The following STK33 variants were observed in gnomAD, a reference collection of about 807,000 sequenced individuals.
The protein encoded by STK33 is serine/threonine kinase 33.
A neutral mutation model predicts 58.0 loss-of-function variants in STK33; 52 were observed. The observed-to-expected ratio is 0.90, with a 90% CI of 0.72 to 1.13. STK33 has a LOEUF of 1.13. Among genes scored for constraint, STK33 ranks in the 50% most tolerant of loss-of-function variants. The pLI, the probability that STK33 is intolerant of heterozygous loss-of-function variation, is 0.00. For missense variants in STK33, 630 were observed against 604.2 expected, an observed-to-expected ratio of 1.04 and a Z score of -0.45; for synonymous variants, 215 against 200.1, an observed-to-expected ratio of 1.07 and a Z score of -0.63.
At chr11:8,425,837 T>TG (rs59964286) in intron 14 of STK33, among the ~76,000 whole-genome samples, 4,946 of 152,126 alleles carry the variant, frequency 0.033, 110 homozygotes, top group East Asian at 0.08. Flanking sequence ...GGGCATGCAG[T>TG]GGGGGGTGTG....
intron 1 of STK33, among the ~76,000 whole-genome samples, chr11:8,515,106 A>C (rs1952656853): frequency 6.6e-6 from 1 of 152,186 alleles, no homozygotes; most frequent in South Asian, 2.1e-4. Flanking sequence ...GATTAAATCA[A>C]GGAGAAAATA....
the STK33 span, among the ~76,000 whole-genome samples, chr11:8,382,001 G>A: frequency 6.6e-6 from 1 of 152,024 alleles, no homozygotes; most frequent in Non-Finnish European, 1.5e-5. Flanking sequence ...ATATCCCTCT[G>A]TAACCACAGT....
intron 1 of STK33, among the ~76,000 whole-genome samples, chr11:8,582,232 CAG>C (rs2030474349): frequency 1.3e-5 from 2 of 152,256 alleles, no homozygotes; most frequent in South Asian, 4.1e-4. Flanking sequence ...TTATGATACT[CAG>C]AGATCTCTAC....
In STK33 at chr11:8,413,656, A is replaced by G. The variant is rs1208880075; in HGVS notation, c.1183T>C (p.Leu395=). ...KLSSVRPTNV[L]EMMKEWKNNP... ...TTTTTCCATTCCTTCATCATCTCTA[A>G]TACATTGGTTGGTCTCACCGAAGAA... Residue 395 remains leucine, a synonymous_variant, in exon 15 of 16, where the codon TTA becomes CTA. Coordinates refer to ENST00000687296, the MANE Select transcript of STK33 (RefSeq NM_001352389.2). 6.2e-7 allele frequency: 1 copy of G among 1,613,846 alleles called. No homozygotes were observed. The highest frequency in any genetic ancestry group is 8.5e-7 in the Non-Finnish European group (1 of 1,179,908).
intron 15 of STK33, among the ~76,000 whole-genome samples, chr11:8,396,134 G>A (rs1161998357): frequency 6.6e-6 from 1 of 151,994 alleles, no homozygotes; most frequent in Non-Finnish European, 1.5e-5. Context: ...GTGGAGTTTT[G>A]CTCTTATCGC....
chr11:8,542,448 G>A (rs11041972), intron 1 of STK33, among the ~76,000 whole-genome samples: 13,827 of 152,130 alleles, frequency 0.091, 1,429 homozygotes, highest in African/African-American at 0.26. Context: ...TTTGCCTCCC[G>A]GGGGATGGCT....
At chr11:8,553,251 G>C (rs1170602157) in intron 1 of STK33, among the ~76,000 whole-genome samples, 1 of 112,608 alleles carries the variant, frequency 8.9e-6, no homozygotes, top group Non-Finnish European at 1.8e-5. Context: ...TGATATATAT[G>C]ATATATATAT....
intron 1 of STK33, among the ~76,000 whole-genome samples, chr11:8,509,512 T>A (rs781733808): frequency 2.4e-4 from 36 of 152,304 alleles, no homozygotes; most frequent in Non-Finnish European, 4.6e-4. Flanking sequence ...TACAAAATAG[T>A]ACATTTTTTA....
At chr11:8,376,873 T>C in the STK33 span, among the ~76,000 whole-genome samples, 2 of 152,142 alleles carry the variant, frequency 1.3e-5, no homozygotes, top group African/African-American at 4.8e-5. Flanking sequence ...GATCACATCT[T>C]CCAGCTGCCA....
intron 7 of STK33, among the ~76,000 whole-genome samples, chr11:8,464,403 T>C (rs1223596958): frequency 6.6e-6 from 1 of 152,202 alleles, no homozygotes; most frequent in Non-Finnish European, 1.5e-5. Flanking sequence ...CCCACAGCCC[T>C]ATGCCTACAG....
chr11:8,448,582 G>T (rs915926442), intron 11 of STK33, among the ~76,000 whole-genome samples: 10 of 152,182 alleles, frequency 6.6e-5, no homozygotes, highest in Non-Finnish European at 1.3e-4. Flanking sequence ...CTAGCCATAT[G>T]TAGAAAGCTG....
intron 1 of STK33, among the ~76,000 whole-genome samples, chr11:8,522,687 GC>G (rs1256060449): frequency 4.6e-5 from 7 of 152,122 alleles, no homozygotes; most frequent in African/African-American, 1.7e-4. Flanking sequence ...CTAAAAATCT[GC>G]ACCACAATGA....
chr11:8,483,899 C>G (rs536766842), intron 1 of STK33, among the ~76,000 whole-genome samples: 1 of 152,266 alleles, frequency 6.6e-6, no homozygotes, highest in Non-Finnish European at 1.5e-5. Context: ...CATATATACA[C>G]ACAAATGCCC....
chr11:8,441,372 G>A (rs939061327), intron 11 of STK33, among the ~76,000 whole-genome samples: 1 of 150,370 alleles, frequency 6.7e-6, no homozygotes, highest in Non-Finnish European at 1.5e-5. Context: ...TTTTTTTTGA[G>A]ACAGGGTCTC....
intron 14 of STK33, among the ~76,000 whole-genome samples, chr11:8,418,707 G>A (rs760460343): frequency 1.4e-4 from 22 of 152,024 alleles, no homozygotes; most frequent in East Asian, 1.9e-4. Flanking sequence ...TACACTCCAC[G>A]CAACAGTGTG....
At chr11:8,409,147 T>C (rs1031943122) in intron 15 of STK33, among the ~76,000 whole-genome samples, 1 of 152,248 alleles carries the variant, frequency 6.6e-6, no homozygotes, top group Non-Finnish European at 1.5e-5. Context: ...AACTCTTTTC[T>C]GCACAACTAT....
intron 1 of STK33, among the ~76,000 whole-genome samples, chr11:8,551,993 C>G (rs183921768): frequency 1.3e-5 from 2 of 152,330 alleles, no homozygotes; most frequent in African/African-American, 2.4e-5. Context: ...AGTCACTGTG[C>G]TCAGTGCCCC....
In STK33 at chr11:8,494,895, T is replaced by TAG. The variant is rs1409285141; in HGVS notation, c.-465-14283_-465-14282dup. On this transcript the variant is annotated intron_variant, in intron 1 of 15. Transcript: ENST00000687296. ...GCTGGGAAAACTGGTTAGCCATATGTAGAAAGCTGAAACTGCATCCCTTCC... is the reference window on the plus strand; with the variant it reads ...GCTGGGAAAACTGGTTAGCCATATGTAGAGAAAGCTGAAACTGCATCCCTTCC... Among the ~76,000 whole-genome samples, 3 of 152,304 alleles carry TAG rather than the reference T, an allele frequency of 2.0e-5. No individual in the cohort carries two copies. In the East Asian group the frequency reaches 5.8e-4, roughly 29 times the overall value.
chr11:8,578,154 A>C (rs949926223), intron 1 of STK33, among the ~76,000 whole-genome samples: 3 of 152,152 alleles, frequency 2.0e-5, no homozygotes, highest in African/African-American at 7.2e-5. Flanking sequence ...TGCTAATAGG[A>C]AAGCACTTAC....
Sources: gnomAD v4.1 joint callset for allele counts (sites outside exome capture counted in the v4.1 genomes callset) on GRCh38, gnomAD v4.1.1 for gene constraint, MANE v1.5 for transcripts, NCBI Gene and HGNC (gene_info 2026-07-23, HGNC 2026-07-21) for gene names.